Variants in PRPF19 observed in about 807,000 individuals in gnomAD.
PRPF19 encodes the protein pre-mRNA processing factor 19.
Under a neutral mutation model 64.2 loss-of-function variants are expected in PRPF19, and 2 were observed. That is an observed-to-expected ratio of 0.03 (90% confidence interval 0.01 to 0.10). The LOEUF (loss-of-function observed/expected upper bound fraction) is 0.10, where lower values mean the gene tolerates loss of function less well. Ranked by LOEUF, PRPF19 falls within the 10% of genes least tolerant of loss-of-function variation. The probability of loss-of-function intolerance (pLI) is 1.00; values close to 1 mark genes in which losing one functional copy is unlikely to be tolerated. For missense variants in PRPF19, 314 were observed against 650.0 expected (o/e 0.48, Z 5.62); for synonymous variants, 226 against 251.6 (o/e 0.90, Z 0.96).
At chr11:60,901,106 C>T (rs1855979707) in intron 8 of PRPF19, among the ~76,000 whole-genome samples, 177 bp from the exon 9 acceptor site, 1 of 152,154 alleles carries the variant, frequency 6.6e-6, no homozygotes, top group African/African-American at 2.4e-5. Context: ...CTCACTGCAT[C>T]ACTAGGAAAC....
chr11:60,897,327 AAT>A (rs1376266211), intron 15 of PRPF19, among the ~76,000 whole-genome samples: 1 of 152,278 alleles, frequency 6.6e-6, no homozygotes, highest in Non-Finnish European at 1.5e-5. Flanking sequence ...AGGTTATAGC[AAT>A]AGTCTTGGCG....
Position 60,902,256 on chromosome 11 carries a change from T to C in PRPF19, c.525+147A>G. On this transcript the variant is annotated intron_variant, in intron 6 of 15. Coordinates refer to ENST00000227524, the MANE Select transcript of PRPF19 (RefSeq NM_014502.5). The surrounding 1 kb of genome is among the most constrained non-coding windows in gnomAD (Gnocchi z 5.0). ...AAGCTTACAAGTAGTGGCATCAAAATACAAACCCAGGCAATCTGGTCCCAG... is the reference window on the plus strand; with the variant it reads ...AAGCTTACAAGTAGTGGCATCAAAACACAAACCCAGGCAATCTGGTCCCAG... 4.5e-6 allele frequency: 4 copies of C among 884,410 alleles called. No homozygotes were observed. Among genetic ancestry groups the C allele is most frequent in the Non-Finnish European group, 7.0e-6 (4 of 570,800 alleles). The allele number at this position is 884,410 out of a possible 1,614,324, so 54.8% of individuals were successfully genotyped here.
intron 15 of PRPF19, among the ~76,000 whole-genome samples, chr11:60,894,360 A>T (rs1158340016): frequency 6.6e-6 from 1 of 152,240 alleles, no homozygotes; most frequent in East Asian, 1.9e-4. Context: ...TATCATTTCA[A>T]CAATGTTCAC....
chr11:60,906,281 C>T, intron 1 of PRPF19, 83 bp downstream of exon 1: 2 of 1,507,462 alleles, frequency 1.3e-6, no homozygotes, highest in Non-Finnish European at 1.8e-6. Flanking sequence ...CCACCCCGGC[C>T]CGGGCGCCGC....
chr11:60,899,802 G>A (rs1310242153), intron 10 of PRPF19, among the ~76,000 whole-genome samples: 4 of 152,176 alleles, frequency 2.6e-5, no homozygotes, highest in African/African-American at 7.2e-5. Context: ...TTGGGGCAGG[G>A]AGAGAATTTC....
rs1214961919 is a variant in PRPF19, at chr11:60,900,632, G to C, written c.778C>G (p.Leu260Val). The change falls in exon 10 of 16, where the codon CTC becomes GTC. Residue 260 changes from leucine to valine, a missense_variant. Physicochemically the swap from Leu to Val is conservative, Grantham distance 32. Around this residue, in one of 7 missense-constraint regions of PRPF19, gnomAD observed 175 missense variants for 342.9 expected, o/e 0.51. Coordinates refer to ENST00000227524, the MANE Select transcript of PRPF19 (RefSeq NM_014502.5). Reference sequence around the variant, plus strand: ...GTGACCTTCTTGGTATGGCCTTTGAGGGTAGCCAGGATTTGTTCAGAACTT... The same window carrying C: ...GTGACCTTCTTGGTATGGCCTTTGACGGTAGCCAGGATTTGTTCAGAACTT... ...DKSSEQILAT[L>V]KGHTKKVTSV... 6.4e-7 allele frequency: 1 copy of C among 1,558,890 alleles called. No individual in the cohort carries two copies. Among genetic ancestry groups the C allele is most frequent in the Non-Finnish European group, 8.7e-7 (1 of 1,149,880 alleles).
In PRPF19 at chr11:60,891,954, T is replaced by A. The variant is rs1433682406; in HGVS notation, c.1418-691A>T. On this transcript the variant is annotated intron_variant, in intron 15 of 15. Transcript: ENST00000227524. ...GGAGAATACGGGGCAAGAAGAAATA[T>A]CTTGTATCCTGCTCACAACCTGCTA... Among the ~76,000 whole-genome samples, 4 of 152,144 alleles carry A rather than the reference T, an allele frequency of 2.6e-5. No individual in the cohort carries two copies. In the East Asian group the frequency reaches 7.7e-4, roughly 29 times the overall value.
chr11:60,900,055 C>G (rs1388178700), intron 10 of PRPF19, among the ~76,000 whole-genome samples: 2 of 152,184 alleles, frequency 1.3e-5, no homozygotes, highest in African/African-American at 4.8e-5. Flanking sequence ...CAACCATGTC[C>G]TGCAGCCCCA....
In PRPF19 at chr11:60,890,661, G is replaced by C. The variant is rs1855844979; in HGVS notation, c.*505C>G. 4.5e-6 allele frequency: 2 copies of C among 442,850 alleles called. No homozygotes were observed. Among genetic ancestry groups the C allele is most frequent in the Admixed American group, 4.8e-5 (2 of 41,752 alleles). 27.4% of individuals were successfully genotyped at this position (442,850 alleles called of 1,614,324 possible). A position where few individuals can be genotyped will look rare whatever the true frequency, so the allele number is the denominator to read the frequency against. ...CCCGGAAGCCAGTGTCCCAGTGTGT[G>C]CTCCCTCCCCTTGACCTTCCCAGTC... On this transcript the variant is annotated 3_prime_UTR_variant, in exon 16 of 16. Coordinates refer to ENST00000227524, the MANE Select transcript of PRPF19 (RefSeq NM_014502.5).
intron 15 of PRPF19, 141 bp from the exon 16 acceptor site, chr11:60,891,404 T>C: frequency 1.5e-6 from 1 of 645,840 alleles, no homozygotes; most frequent in Non-Finnish European, 2.7e-6. Context: ...TTGTTTTCCC[T>C]AGGCTGACCT....
Position 60,891,123 on chromosome 11 carries a change from C to T in PRPF19, c.*43G>A, listed in dbSNP as rs761987547. 1 of 864,678 alleles carries T rather than the reference C, an allele frequency of 1.2e-6. No homozygotes were observed. Among genetic ancestry groups the T allele is most frequent in the East Asian group, 3.4e-5 (1 of 29,078 alleles). 53.6% of individuals were successfully genotyped at this position (864,678 alleles called of 1,614,324 possible). A position where few individuals can be genotyped will look rare whatever the true frequency, so the allele number is the denominator to read the frequency against. On this transcript the variant is annotated 3_prime_UTR_variant, in exon 16 of 16. Coordinates refer to ENST00000227524, the MANE Select transcript of PRPF19 (RefSeq NM_014502.5). ...CCCCCCCCAAACCCTAATTCTACCCCTCTACTGAGATGAGGCCCAGCTTCC... is the reference window on the plus strand; with the variant it reads ...CCCCCCCCAAACCCTAATTCTACCCTTCTACTGAGATGAGGCCCAGCTTCC...
In PRPF19 at chr11:60,890,758, G is replaced by C. The variant is rs1032190132; in HGVS notation, c.*408C>G. 6 of 458,388 alleles carry C rather than the reference G, an allele frequency of 1.3e-5. No individual in the cohort carries two copies. The highest frequency in any genetic ancestry group is 2.6e-5 in the Non-Finnish European group (6 of 228,644). The allele number at this position is 458,388 out of a possible 1,614,324, so 28.4% of individuals were successfully genotyped here. A position where few individuals can be genotyped will look rare whatever the true frequency, so the allele number is the denominator to read the frequency against. ...TTGTTTTCTTTTTTTAATGAAACTAGATCACTGCTTACAAAACCCTGCACA... is the reference window on the plus strand; with the variant it reads ...TTGTTTTCTTTTTTTAATGAAACTACATCACTGCTTACAAAACCCTGCACA... On this transcript the variant is annotated 3_prime_UTR_variant, in exon 16 of 16. Coordinates refer to ENST00000227524, the MANE Select transcript of PRPF19 (RefSeq NM_014502.5).
At chr11:60,906,299 C>G (rs955171650) in intron 1 of PRPF19, 65 bp downstream of exon 1, 3 of 1,540,922 alleles carry the variant, frequency 1.9e-6, no homozygotes, top group Admixed American at 2.0e-5. Flanking sequence ...CGCAGCGGAC[C>G]GCACACGCTC....
At position 60,901,317 on chromosome 11, in the gene PRPF19, T is replaced by C; in HGVS notation, c.620A>G (p.Tyr207Cys). 3 of 1,614,150 alleles carry C rather than the reference T, an allele frequency of 1.9e-6. No individual in the cohort carries two copies. Among genetic ancestry groups the C allele is most frequent in the Non-Finnish European group, 2.5e-6 (3 of 1,180,018 alleles). Residue 207 changes from tyrosine to cysteine, a missense_variant, in exon 8 of 16, where the codon TAC becomes TGC. Tyr to Cys is a radical substitution (Grantham distance 194). Around this residue, in one of 7 missense-constraint regions of PRPF19, gnomAD observed 175 missense variants for 342.9 expected, o/e 0.51. Transcript: ENST00000227524. ...ELVKPEELSK[Y>C]RQVASHVGLH... ...CACCACGTGGGATGCCACCTGCCGG[T>C]ATTTGCTGAGCTCTTCTGGCTTCAC...
chr11:60,894,434 C>T (rs529126178), intron 15 of PRPF19, among the ~76,000 whole-genome samples: 3 of 152,184 alleles, frequency 2.0e-5, no homozygotes, highest in Non-Finnish European at 4.4e-5. Flanking sequence ...CTAAGAGCTC[C>T]TCATCCATTA....
At position 60,906,570 on chromosome 11, in the gene PRPF19, G is replaced by A. The variant is rs893037601; in HGVS notation, c.-188C>T. Reference sequence around the variant, plus strand: ...GGACAGCCGCGCGCCACAGCCTTCAGCACCTAACGGAAATTGCCCTTTCCC... The same window carrying A: ...GGACAGCCGCGCGCCACAGCCTTCAACACCTAACGGAAATTGCCCTTTCCC... On this transcript the variant is annotated 5_prime_UTR_variant, in exon 1 of 16. Transcript: ENST00000227524. The A allele has an allele frequency of 5.4e-6, 3 of 558,218 alleles. No individual in the cohort carries two copies. The highest frequency in any genetic ancestry group is 2.4e-5 in the South Asian group (1 of 42,504). 34.6% of individuals were successfully genotyped at this position (558,218 alleles called of 1,614,324 possible). A position where few individuals can be genotyped will look rare whatever the true frequency, so the allele number is the denominator to read the frequency against.
At chr11:60,901,157 C>G (rs1239116370) in intron 8 of PRPF19, 138 bp downstream of exon 8, 8 of 1,056,626 alleles carry the variant, frequency 7.6e-6, no homozygotes, top group Non-Finnish European at 1.1e-5. Context: ...AACTCAGCAG[C>G]CCAGGCGAGA....
chr11:60,901,175 C>G (rs913178768), intron 8 of PRPF19, 120 bp downstream of exon 8: 1 of 1,175,636 alleles, frequency 8.5e-7, no homozygotes, highest in Non-Finnish European at 1.2e-6. Flanking sequence ...AGAAACAGCA[C>G]CAGGAACAGC....
In PRPF19 at chr11:60,898,945, A is replaced by G. The variant is rs1855951185; in HGVS notation, c.985-14T>C. 3 of 1,584,404 alleles carry G rather than the reference A, an allele frequency of 1.9e-6. No individual in the cohort carries two copies. Among genetic ancestry groups the G allele is most frequent in the Non-Finnish European group, 2.6e-6 (3 of 1,163,622 alleles). On this transcript the variant is annotated splice_polypyrimidine_tract_variant and intron_variant, in intron 11 of 15. Transcript: ENST00000227524. This position sits in a 1 kb window ranked among gnomAD's most constrained non-coding sequence, Gnocchi z 4.6. ...GAAAGCCCAGTACTGGGGAAAAAAA[A>G]AGAGACAATGGAGTCAGTGAGAAAG...
Sources: gnomAD v4.1 joint callset for allele counts (sites outside exome capture counted in the v4.1 genomes callset) on GRCh38, gnomAD v4.1.1 for gene constraint, gnomAD v4.1.1 regional missense constraint, Gnocchi (gnomAD v3.1) non-coding constraint, MANE v1.5 for transcripts, NCBI Gene and HGNC (gene_info 2026-07-23, HGNC 2026-07-21) for gene names.